ULK4: variants seen among roughly 807,000 people sequenced by gnomAD.
ULK4 encodes the protein inactive serine/threonine-protein kinase ULK4.
Under a neutral mutation model 160.6 loss-of-function variants are expected in ULK4, and 133 were observed. The observed-to-expected ratio is 0.83, with a 90% CI of 0.72 to 0.96. The LOEUF (loss-of-function observed/expected upper bound fraction) is 0.96, where lower values mean the gene tolerates loss of function less well. Ranked by LOEUF, ULK4 falls within the 40% of genes least tolerant of loss-of-function variation. The pLI, the probability that ULK4 is intolerant of heterozygous loss-of-function variation, is 0.00. For synonymous variants in ULK4, 534 were observed against 539.8 expected (o/e 0.99, Z 0.15); for missense variants, 1,580 against 1,499.5 (o/e 1.05, Z -0.89).
chr3:41,285,987 G>A (rs1343250897), intron 35 of ULK4, among the ~76,000 whole-genome samples: 1 of 152,168 alleles, frequency 6.6e-6, no homozygotes, highest in African/African-American at 2.4e-5. Flanking sequence ...GCTAGAGACA[G>A]GATTGGATGA....
intron 29 of ULK4, among the ~76,000 whole-genome samples, chr3:41,678,177 TACACACACACACACAC>T (rs752843326): frequency 2.8e-4 from 34 of 123,132 alleles, no homozygotes; most frequent in East Asian, 7.4e-4. Context: ...CTTTATTTCA[TACACACACACACACAC>T]ACACACACAC....
intron 32 of ULK4, among the ~76,000 whole-genome samples, chr3:41,468,743 C>A (rs1385197470): frequency 6.6e-6 from 1 of 152,188 alleles, no homozygotes; most frequent in East Asian, 1.9e-4. Context: ...TCTCCAGGAA[C>A]TGGGGTTTCT....
At chr3:41,348,123 C>G (rs1262748015) in intron 35 of ULK4, among the ~76,000 whole-genome samples, 2 of 145,544 alleles carry the variant, frequency 1.4e-5, no homozygotes, top group Non-Finnish European at 3.0e-5. Flanking sequence ...GCAGGAGAAT[C>G]GCTTGAACCT....
chr3:41,911,846 T>C (rs1284274857), intron 9 of ULK4, among the ~76,000 whole-genome samples, 187 bp from the exon 10 acceptor site: 1 of 152,190 alleles, frequency 6.6e-6, no homozygotes, highest in Non-Finnish European at 1.5e-5. Flanking sequence ...GCTACGTCAC[T>C]GTAGTCCCTC....
chr3:41,789,549 G>A, intron 21 of ULK4, 112 bp downstream of exon 21: 1 of 1,028,036 alleles, frequency 9.7e-7, no homozygotes. Flanking sequence ...GTTCAAAAAG[G>A]CCTCTTGGGA....
chr3:41,649,396 C>T (rs1381517525), intron 30 of ULK4, among the ~76,000 whole-genome samples: 2 of 152,144 alleles, frequency 1.3e-5, no homozygotes, highest in Non-Finnish European at 2.9e-5. Flanking sequence ...CTAGCTGCAG[C>T]TGCAGCTGCC....
intron 32 of ULK4, among the ~76,000 whole-genome samples, chr3:41,536,563 G>A (rs1318109387): frequency 6.6e-6 from 1 of 152,142 alleles, no homozygotes; most frequent in African/African-American, 2.4e-5. Flanking sequence ...CACATTGTGG[G>A]TTGATTTTGC....
chr3:41,329,593 C>T (rs1180198974), intron 35 of ULK4, among the ~76,000 whole-genome samples: 1 of 140,456 alleles, frequency 7.1e-6, no homozygotes, highest in Non-Finnish European at 1.6e-5. Context: ...AATTGAATCT[C>T]ACCATAGTTG....
chr3:41,247,404 T>G (rs558231516), intron 36 of ULK4, among the ~76,000 whole-genome samples: 1 of 152,296 alleles, frequency 6.6e-6, no homozygotes, highest in African/African-American at 2.4e-5. Flanking sequence ...AGCCAGGAGC[T>G]TTCTTACTCT....
chr3:41,692,901 T>C (rs1037662733), intron 27 of ULK4, among the ~76,000 whole-genome samples: 2 of 152,238 alleles, frequency 1.3e-5, no homozygotes, highest in Non-Finnish European at 2.9e-5. Flanking sequence ...CTTCTGTGTA[T>C]GTCAGTTTCT....
intron 31 of ULK4, among the ~76,000 whole-genome samples, chr3:41,579,997 C>T (rs984959900): frequency 1.3e-5 from 2 of 152,158 alleles, no homozygotes; most frequent in Non-Finnish European, 2.9e-5. Flanking sequence ...TCATGGAGCA[C>T]ACGTGTGAGG....
At chr3:41,793,242 G>C (rs561693693) in intron 20 of ULK4, among the ~76,000 whole-genome samples, 11 of 151,738 alleles carry the variant, frequency 7.2e-5, no homozygotes, top group Non-Finnish European at 1.3e-4. Flanking sequence ...AACTGTTCCA[G>C]TTCAAAATTC....
intron 17 of ULK4, among the ~76,000 whole-genome samples, chr3:41,864,503 C>T (rs534948770): frequency 6.6e-5 from 10 of 152,140 alleles, no homozygotes; most frequent in African/African-American, 2.2e-4. Flanking sequence ...AATTTGGTAT[C>T]CTTGCAGGAG....
chr3:41,707,584 C>G (rs2036943507), intron 25 of ULK4, among the ~76,000 whole-genome samples: 1 of 152,142 alleles, frequency 6.6e-6, no homozygotes, highest in Non-Finnish European at 1.5e-5. Flanking sequence ...ACAATCCCAG[C>G]ACTGTGAGAG....
At chr3:41,441,052 A>T (rs1298079284) in intron 34 of ULK4, among the ~76,000 whole-genome samples, 1 of 151,992 alleles carries the variant, frequency 6.6e-6, no homozygotes, top group African/African-American at 2.4e-5. Flanking sequence ...TAGTATGGCA[A>T]TGGGTTTATC....
At chr3:41,877,484 G>A (rs1201194674) in intron 17 of ULK4, among the ~76,000 whole-genome samples, 3 of 151,696 alleles carry the variant, frequency 2.0e-5, no homozygotes, top group Admixed American at 2.0e-4. Flanking sequence ...GCATCACTAT[G>A]CTCGGCTAAT....
intron 35 of ULK4, among the ~76,000 whole-genome samples, chr3:41,396,002 G>T (rs1167418541): frequency 6.6e-6 from 1 of 152,028 alleles, no homozygotes; most frequent in Non-Finnish European, 1.5e-5. Flanking sequence ...CCAAGTTGGG[G>T]TCTTATTAAT....
chr3:41,518,692 G>A (rs992813914), intron 32 of ULK4, among the ~76,000 whole-genome samples: 13 of 152,270 alleles, frequency 8.5e-5, no homozygotes, highest in Admixed American at 3.3e-4. Flanking sequence ...AAGAGAAGGC[G>A]TTAGAGATAC....
chr3:41,582,661 C>T (rs562460285), intron 31 of ULK4, among the ~76,000 whole-genome samples: 1 of 152,214 alleles, frequency 6.6e-6, no homozygotes, highest in South Asian at 2.1e-4. Context: ...ACCAAAATAA[C>T]TAGGCTCTAC....
Sources: allele counts gnomAD v4.1 joint callset (sites outside exome capture counted in the v4.1 genomes callset), GRCh38; gene constraint gnomAD v4.1.1; transcripts MANE v1.5; gene names NCBI Gene and HGNC (gene_info 2026-07-23, HGNC 2026-07-21).